RAD54B: variants seen among roughly 807,000 people sequenced by gnomAD.
RAD54B encodes DNA repair and recombination protein RAD54B.
Under a neutral mutation model 95.8 loss-of-function variants are expected in RAD54B, and 78 were observed. The observed-to-expected ratio is 0.81, with a 90% CI of 0.68 to 0.98. The LOEUF (loss-of-function observed/expected upper bound fraction) is 0.98. RAD54B is among the 50% of genes least tolerant of loss of function. RAD54B has a pLI of 0.00. For synonymous variants in RAD54B, 328 were observed against 354.9 expected (o/e 0.92, Z 0.85); for missense variants, 957 against 1,056.6 (o/e 0.91, Z 1.31).
At chr8:94,427,082 G>C (rs1811960580) in intron 3 of RAD54B, among the ~76,000 whole-genome samples, 1 of 151,974 alleles carries the variant, frequency 6.6e-6, no homozygotes, top group Non-Finnish European at 1.5e-5. Flanking sequence ...TTTTCTGTAT[G>C]TTTGAAAGGT....
intron 11 of RAD54B, among the ~76,000 whole-genome samples, chr8:94,383,576 T>TA (rs1323893132): frequency 6.6e-6 from 1 of 152,250 alleles, no homozygotes; most frequent in African/African-American, 2.4e-5. Flanking sequence ...ATTGTTCTAT[T>TA]ATTAGTTATT....
intron 3 of RAD54B, among the ~76,000 whole-genome samples, chr8:94,441,601 C>G (rs1812397064): frequency 6.6e-6 from 1 of 152,188 alleles, no homozygotes; most frequent in Non-Finnish European, 1.5e-5. Context: ...CTCTACAACA[C>G]AGGGCTTTGG....
intron 1 of RAD54B, 96 bp from the exon 2 acceptor site, chr8:94,467,651 A>C (rs3099398): frequency 7.8e-7 from 1 of 1,276,186 alleles, no homozygotes; most frequent in South Asian, 1.7e-5. Context: ...GATGGAACAG[A>C]AACCCCTCTT....
intron 3 of RAD54B, chr8:94,430,842 G>A: frequency 1.0e-6 from 1 of 985,406 alleles, no homozygotes; most frequent in South Asian, 4.7e-5. Flanking sequence ...CTAGTCCAGG[G>A]AGATGTCCTT....
At chr8:94,372,720 G>T (rs1810470784) in intron 14 of RAD54B, among the ~76,000 whole-genome samples, 1 of 152,172 alleles carries the variant, frequency 6.6e-6, no homozygotes, top group Admixed American at 6.5e-5. Flanking sequence ...GTGGGGCCAC[G>T]TTTACAAATT....
At chr8:94,431,486 T>C in intron 3 of RAD54B, 1 of 981,958 alleles carries the variant, frequency 1.0e-6, no homozygotes, top group South Asian at 4.7e-5. Flanking sequence ...GATATTTACT[T>C]CTATCGAATA....
At chr8:94,432,788 A>T in intron 3 of RAD54B, 1 of 1,186,682 alleles carries the variant, frequency 8.4e-7, no homozygotes, top group Admixed American at 3.5e-5. Flanking sequence ...ATAAAAAAAA[A>T]TCTTAAACAC....
At chr8:94,373,345 C>T (rs540609422) in intron 14 of RAD54B, among the ~76,000 whole-genome samples, 16 of 152,216 alleles carry the variant, frequency 1.1e-4, no homozygotes, top group Non-Finnish European at 2.1e-4. Flanking sequence ...TTTCTCTTTC[C>T]TCCAGGGCAC....
At position 94,436,462 on chromosome 8, in the gene RAD54B, T is replaced by A; in HGVS notation, c.304+21806A>T. 5 of 1,497,192 alleles carry A rather than the reference T, an allele frequency of 3.3e-6. No homozygotes were observed. The South Asian group carries it at 5.5e-5, about 16-fold the overall frequency. The allele number at this position is 1,497,192 out of a possible 1,614,324, so 92.7% of individuals were successfully genotyped here. ...AAAGCCCAATAGATAGGAGGCGCCA[T>A]AATTTTCCATAACAAAACAAAATAA... On this transcript the variant is annotated intron_variant, in intron 3 of 14. Coordinates refer to ENST00000336148, the MANE Select transcript of RAD54B (RefSeq NM_012415.3).
chr8:94,399,914 A>G (rs899190128), intron 7 of RAD54B, among the ~76,000 whole-genome samples: 1 of 152,112 alleles, frequency 6.6e-6, no homozygotes, highest in African/African-American at 2.4e-5. Context: ...GTATCCTCAC[A>G]TGGTAAAGAA....
chr8:94,473,056 T>C (rs1813206684), intron 1 of RAD54B, among the ~76,000 whole-genome samples: 1 of 133,572 alleles, frequency 7.5e-6, no homozygotes, highest in African/African-American at 2.8e-5. Context: ...TGATACAAAG[T>C]AAAATGCAGA....
Position 94,372,329 on chromosome 8 carries a change from C to T in RAD54B, c.2574G>A (p.Gln858=). 1 of 1,613,798 alleles carries T rather than the reference C, an allele frequency of 6.2e-7. No homozygotes were observed. Among genetic ancestry groups the T allele is most frequent in the South Asian group, 1.1e-5 (1 of 91,060 alleles). The change falls in exon 15 of 15, where the codon CAG becomes CAA. Residue 858 remains glutamine, a synonymous_variant. Coordinates refer to ENST00000336148, the MANE Select transcript of RAD54B (RefSeq NM_012415.3). The part of the protein sequence containing the change: ...SRDCQLGPHH[Q]KSNSLKPLSM... Reference sequence around the variant, plus strand: ...AAAGAGGTTTCAGGGAGTTAGATTTCTGGTGATGTGGACCAAGCTGACAAT... The same window carrying T: ...AAAGAGGTTTCAGGGAGTTAGATTTTTGGTGATGTGGACCAAGCTGACAAT...
At chr8:94,464,066 A>T (rs1156601492) in intron 2 of RAD54B, among the ~76,000 whole-genome samples, 1 of 152,160 alleles carries the variant, frequency 6.6e-6, no homozygotes, top group Non-Finnish European at 1.5e-5. Flanking sequence ...GTATATTAAA[A>T]CAACAGATTA....
chr8:94,465,225 G>A (rs1586042816), intron 2 of RAD54B, among the ~76,000 whole-genome samples: 1 of 152,148 alleles, frequency 6.6e-6, no homozygotes, highest in African/African-American at 2.4e-5. Context: ...ACATTGGTAA[G>A]TGCTAAACAA....
At chr8:94,442,380 G>A (rs953531603) in intron 3 of RAD54B, among the ~76,000 whole-genome samples, 2 of 151,984 alleles carry the variant, frequency 1.3e-5, no homozygotes, top group African/African-American at 4.8e-5. Context: ...AGACCATCCT[G>A]GCTAACATGG....
chr8:94,434,783 T>C (rs773191949), intron 3 of RAD54B, among the ~76,000 whole-genome samples: 1 of 151,688 alleles, frequency 6.6e-6, no homozygotes, highest in Non-Finnish European at 1.5e-5. Context: ...ATGTTTCTTA[T>C]ATTCTTCCCT....
At chr8:94,471,414 T>A (rs1251821500) in intron 1 of RAD54B, among the ~76,000 whole-genome samples, 1 of 152,134 alleles carries the variant, frequency 6.6e-6, no homozygotes, top group African/African-American at 2.4e-5. Context: ...TGGGTGTATG[T>A]ACATTTAAAA....
chr8:94,395,758 T>C (rs1304387081), intron 8 of RAD54B, among the ~76,000 whole-genome samples: 1 of 152,178 alleles, frequency 6.6e-6, no homozygotes, highest in Non-Finnish European at 1.5e-5. Context: ...CTCCTTTGGA[T>C]ATCATCACAT....
At chr8:94,378,717 T>A in intron 12 of RAD54B, 83 bp from the exon 13 acceptor site, 1 of 943,576 alleles carries the variant, frequency 1.1e-6, no homozygotes, top group Non-Finnish European at 1.6e-6. Context: ...AAATATGTTT[T>A]AAAATTCGGA....
Sources: allele counts gnomAD v4.1 joint callset (sites outside exome capture counted in the v4.1 genomes callset), GRCh38; gene constraint gnomAD v4.1.1; transcripts MANE v1.5; gene names NCBI Gene and HGNC (gene_info 2026-07-23, HGNC 2026-07-21).